GOLGA4: variants seen among roughly 807,000 people sequenced by gnomAD.
The protein encoded by GOLGA4 is golgin subfamily A member 4.
In GOLGA4, 169 loss-of-function variants were observed where a neutral mutation model predicts 265.9. That is an observed-to-expected ratio of 0.64 (90% CI 0.56 to 0.72). The LOEUF (loss-of-function observed/expected upper bound fraction) is 0.72. Among genes scored for constraint, GOLGA4 ranks in the 30% least tolerant of loss-of-function variants. GOLGA4 has a pLI of 0.00. For missense variants in GOLGA4, 2,482 were observed against 2,483.4 expected, an observed-to-expected ratio of 1.00 and a Z score of 0.01; for synonymous variants, 923 against 855.8, an observed-to-expected ratio of 1.08 and a Z score of -1.37.
intron 2 of GOLGA4, among the ~76,000 whole-genome samples, chr3:37,275,215 CAAAAAAAAA>C (rs749758741): frequency 1.3e-4 from 6 of 44,982 alleles, no homozygotes; most frequent in East Asian, 1.8e-3. Context: ...GACTCCGTCT[CAAAAAAAAA>C]AAAAAAAAAA....
Position 37,311,676 on chromosome 3 carries a change from A to G in GOLGA4, c.1235-3744A>G, listed in dbSNP as rs111254472. 2.8e-3 allele frequency among the ~76,000 whole-genome samples: 424 copies of G among 152,318 alleles called. 4 individuals carry two copies. The highest frequency in any genetic ancestry group is 9.4e-3 in the African/African-American group (389 of 41,580). On this transcript the variant is annotated intron_variant, in intron 10 of 23. Transcript: ENST00000361924. ...GTGTGAAATTATTTGGTTCCCTGAC[A>G]TGGTACTGGAAAGTGGGAGAGAGGG...
Position 37,366,145 on chromosome 3 carries a change from A to G in GOLGA4, c.*99A>G, listed in dbSNP as rs540853833. On this transcript the variant is annotated 3_prime_UTR_variant, in exon 24 of 24. Coordinates refer to ENST00000361924, the MANE Select transcript of GOLGA4 (RefSeq NM_002078.5). Reference sequence around the variant, plus strand: ...GTGACTGCTGCTTGGAAAACTGTCCACACTTGCTACTCTTTGAGAATGAAG... The same window carrying G: ...GTGACTGCTGCTTGGAAAACTGTCCGCACTTGCTACTCTTTGAGAATGAAG... 35 of 1,463,374 alleles carry G rather than the reference A, an allele frequency of 2.4e-5. 1 individual carries two copies. In the South Asian group the frequency reaches 4.5e-4, roughly 19 times the overall value. The allele number at this position is 1,463,374 out of a possible 1,614,324, so 90.6% of individuals were successfully genotyped here. A position where few individuals can be genotyped will look rare whatever the true frequency, so the allele number is the denominator to read the frequency against.
At chr3:37,365,346 GCAACCTCCGCCTC>G (rs1169334921) in intron 23 of GOLGA4, among the ~76,000 whole-genome samples, 1 of 152,068 alleles carries the variant, frequency 6.6e-6, no homozygotes, top group African/African-American at 2.4e-5. Flanking sequence ...TCGGCTTACT[GCAACCTCCGCCTC>G]CTGAGTTCAA....
rs746171216 is a variant in GOLGA4, at chr3:37,282,074, G to A, written c.279G>A (p.Leu93=). 1.2e-6 allele frequency: 2 copies of A among 1,614,040 alleles called. No homozygotes were observed. The highest frequency in any genetic ancestry group is 1.7e-5 in the Admixed American group (1 of 60,020). ...SLFRSSSKES[L]VRTSSRESLN... is the part of the protein sequence containing the mutation. ...TCCGGTCTTCTTCTAAAGAGTCTTT[G>A]GTACGAACATCTTCCAGAGAATCCC... Residue 93 remains leucine, a synonymous_variant, in exon 3 of 24, where the codon TTG becomes TTA. Transcript: ENST00000361924.
At chr3:37,281,406 A>G (rs1285430771) in intron 2 of GOLGA4, among the ~76,000 whole-genome samples, 1 of 152,166 alleles carries the variant, frequency 6.6e-6, no homozygotes, top group Non-Finnish European at 1.5e-5. Flanking sequence ...AAGTGGGTTC[A>G]TTACACATTA....
chr3:37,306,727 A>G (rs889896142), intron 10 of GOLGA4, among the ~76,000 whole-genome samples: 1 of 151,940 alleles, frequency 6.6e-6, no homozygotes, highest in Admixed American at 6.6e-5. Flanking sequence ...CCCATTTAGC[A>G]TTATGTTATT....
At position 37,319,118 on chromosome 3, in the gene GOLGA4, C is replaced by T. The variant is rs867073379; in HGVS notation, c.1469C>T (p.Ala490Val). 1 of 1,609,584 alleles carries T rather than the reference C, an allele frequency of 6.2e-7. No homozygotes were observed. Among genetic ancestry groups the T allele is most frequent in the Non-Finnish European group, 8.5e-7 (1 of 1,177,220 alleles). The change falls in exon 12 of 24, where the codon GCC becomes GTC. Residue 490 changes from alanine (A) to valine (V), a missense_variant. Ala to Val is a moderately conservative substitution (Grantham distance 64). Coordinates refer to ENST00000361924, the MANE Select transcript of GOLGA4 (RefSeq NM_002078.5). ...CAGAAGCTTCATGAAAAGGAGCTGG[C>T]CAGAAAAGAGCAGGAACTGACCAAG... The part of the protein sequence containing the change: ...KLQKLHEKEL[A>V]RKEQELTKKL...
At chr3:37,251,062 T>G (rs1413443594) in intron 1 of GOLGA4, among the ~76,000 whole-genome samples, 1 of 152,162 alleles carries the variant, frequency 6.6e-6, no homozygotes, top group African/African-American at 2.4e-5. Flanking sequence ...AGAGAGTTTT[T>G]ATATACCCCT....
intron 7 of GOLGA4, among the ~76,000 whole-genome samples, chr3:37,297,818 G>A (rs1351702643): frequency 2.0e-5 from 3 of 152,176 alleles, no homozygotes; most frequent in Non-Finnish European, 4.4e-5. Flanking sequence ...CCTGAGGTCA[G>A]GAGTTCGAGA....
chr3:37,347,929 A>G (rs2097061166), intron 21 of GOLGA4, among the ~76,000 whole-genome samples: 1 of 152,168 alleles, frequency 6.6e-6, no homozygotes, highest in African/African-American at 2.4e-5. Context: ...TATTGAATTG[A>G]GTTAAATGCT....
chr3:37,276,651 T>A (rs2096820215), intron 2 of GOLGA4: 3 of 1,474,554 alleles, frequency 2.0e-6, no homozygotes, highest in Non-Finnish European at 2.8e-6. Flanking sequence ...ATTTTGTAAC[T>A]AGCTTTAAAC....
intron 16 of GOLGA4, chr3:37,329,307 T>C (rs1159172319): frequency 7.8e-6 from 3 of 384,598 alleles, no homozygotes; most frequent in Admixed American, 9.2e-5. Context: ...TTCTGCTAAC[T>C]AGGCAGCACA....
At chr3:37,328,596 T>A (rs567653180) in intron 15 of GOLGA4, 59 bp downstream of exon 15, 202 of 1,483,484 alleles carry the variant, frequency 1.4e-4, no homozygotes, top group Non-Finnish European at 1.7e-4. Flanking sequence ...TAATTTAAGC[T>A]TATCATTTTT....
chr3:37,274,862 T>G lies in GOLGA4; in HGVS notation c.163-7096T>G, dbSNP rs73059490. 7.4e-4 allele frequency among the ~76,000 whole-genome samples: 112 copies of G among 152,246 alleles called. 1 individual carries two copies. The highest frequency in any genetic ancestry group is 1.4e-3 in the Non-Finnish European group (92 of 68,006). On this transcript the variant is annotated intron_variant, in intron 2 of 23. Coordinates refer to ENST00000361924, the MANE Select transcript of GOLGA4 (RefSeq NM_002078.5). ...GCATGAGTCTAGACAAGTTGATTTA[T>G]GAGCTGAATGATTTGTGAACTAAAT... is the stretch of plus-strand genomic sequence containing the variant.
intron 23 of GOLGA4, among the ~76,000 whole-genome samples, chr3:37,361,733 A>C (rs893775793): frequency 5.9e-5 from 9 of 152,250 alleles, no homozygotes; most frequent in African/African-American, 2.2e-4. Flanking sequence ...GTAAAGCCTG[A>C]GTCAAGGCCA....
At chr3:37,342,134 G>C (rs927266214) in intron 20 of GOLGA4, among the ~76,000 whole-genome samples, 18 of 152,160 alleles carry the variant, frequency 1.2e-4, no homozygotes, top group Middle Eastern at 3.4e-3. Flanking sequence ...CTTGAGGCCG[G>C]GAGTTTGAGA....
chr3:37,287,935 C>A (rs960338325), intron 4 of GOLGA4, among the ~76,000 whole-genome samples: 2 of 152,110 alleles, frequency 1.3e-5, no homozygotes, highest in Non-Finnish European at 2.9e-5. Context: ...TACCCTATTC[C>A]TTTACCTCTG....
intron 12 of GOLGA4, chr3:37,320,500 G>A (rs1328982613): frequency 2.0e-5 from 3 of 152,096 alleles, no homozygotes; most frequent in East Asian, 1.9e-4. Flanking sequence ...CTCTGTGGGG[G>A]CACATGGATT....
Position 37,326,227 on chromosome 3 carries a change from G to A in GOLGA4, c.4341G>A (p.Lys1447=). Residue 1447 remains lysine, a synonymous_variant, in exon 14 of 24, where the codon AAG becomes AAA. Coordinates refer to ENST00000361924, the MANE Select transcript of GOLGA4 (RefSeq NM_002078.5). ...DWSNKFSEWK[K]KAQSRFTQHQ... The stretch of plus-strand genomic sequence containing the variant: ...CCAATAAATTCTCAGAATGGAAGAA[G>A]AAAGCACAGTCAAGATTTACACAGC... The A allele has an allele frequency of 6.2e-7, 1 of 1,613,704 alleles. No individual in the cohort carries two copies. The highest frequency in any genetic ancestry group is 1.7e-4 in the Middle Eastern group (1 of 6,052).
Sources: gnomAD v4.1 joint callset for allele counts (sites outside exome capture counted in the v4.1 genomes callset) on GRCh38, gnomAD v4.1.1 for gene constraint, MANE v1.5 for transcripts, NCBI Gene and HGNC (gene_info 2026-07-23, HGNC 2026-07-21) for gene names.